Variants in BABAM2 observed in about 807,000 individuals in gnomAD.
BABAM2 encodes the protein BRISC and BRCA1 A complex member 2, also known as BRISC and BRCA1-A complex member 2.
In BABAM2, 31 loss-of-function variants were observed where a neutral mutation model predicts 54.7. That is an observed-to-expected ratio of 0.57 (90% CI 0.43 to 0.77). The LOEUF is 0.77. Ranked by LOEUF, BABAM2 falls within the 30% of genes least tolerant of loss-of-function variation. BABAM2 has a pLI of 0.00. For synonymous variants in BABAM2, 167 were observed against 162.9 expected, an observed-to-expected ratio of 1.03 and a Z score of -0.19; for missense variants, 364 against 455.8, an observed-to-expected ratio of 0.80 and a Z score of 1.83.
chr2:27,893,788 G>T (rs1665052016), intron 1 of BABAM2, among the ~76,000 whole-genome samples: 1 of 152,072 alleles, frequency 6.6e-6, no homozygotes. Context: ...GACGTCAAGA[G>T]ATTGAGACCA....
intron 2 of BABAM2, among the ~76,000 whole-genome samples, chr2:27,920,446 A>T (rs935261553): frequency 3.9e-5 from 6 of 152,230 alleles, no homozygotes; most frequent in African/African-American, 1.4e-4. Context: ...TTTGAAACTG[A>T]GTAATCTATG....
chr2:28,072,897 A>G (rs1008413935), intron 6 of BABAM2, among the ~76,000 whole-genome samples: 2 of 152,238 alleles, frequency 1.3e-5, no homozygotes, highest in Non-Finnish European at 2.9e-5. Context: ...AATAATTATC[A>G]CAAGGTTAAT....
At chr2:28,120,955 A>T (rs1358250562) in intron 6 of BABAM2, among the ~76,000 whole-genome samples, 3 of 152,254 alleles carry the variant, frequency 2.0e-5, no homozygotes, top group African/African-American at 7.2e-5. Context: ...CTGCTAATGT[A>T]TAAAGAGTGG....
At chr2:28,111,916 C>G (rs78425864) in intron 6 of BABAM2, among the ~76,000 whole-genome samples, 3,172 of 152,160 alleles carry the variant, frequency 0.021, 108 homozygotes, top group African/African-American at 0.071. Context: ...TGTCTCTACA[C>G]ATTTTGAGCT....
At chr2:28,009,677 T>C (rs1486314015) in intron 4 of BABAM2, among the ~76,000 whole-genome samples, 2 of 152,074 alleles carry the variant, frequency 1.3e-5, no homozygotes, top group African/African-American at 4.8e-5. Flanking sequence ...TGGTGAGGAA[T>C]GGGTTTAGGG....
intron 11 of BABAM2, among the ~76,000 whole-genome samples, chr2:28,313,822 T>C (rs1689281091): frequency 6.6e-6 from 1 of 152,234 alleles, no homozygotes; most frequent in Admixed American, 6.5e-5. Flanking sequence ...CAAAGCCTAC[T>C]GATTGATTTC....
intron 7 of BABAM2, among the ~76,000 whole-genome samples, chr2:28,170,025 G>A (rs935774355): frequency 3.3e-5 from 5 of 151,988 alleles, no homozygotes; most frequent in South Asian, 2.1e-4. Context: ...ATTTATTTCC[G>A]TTTGTGAATT....
chr2:28,301,127 C>G (rs547151132), intron 11 of BABAM2, among the ~76,000 whole-genome samples: 9 of 152,310 alleles, frequency 5.9e-5, no homozygotes, highest in African/African-American at 2.2e-4. Context: ...TGTGAAAATA[C>G]TGTACGTACA....
intron 6 of BABAM2, among the ~76,000 whole-genome samples, chr2:28,060,424 TTC>T (rs778010115): frequency 6.6e-6 from 1 of 152,138 alleles, no homozygotes; most frequent in Non-Finnish European, 1.5e-5. Context: ...ACCAAATACT[TTC>T]TCTCTAAGAT....
intron 7 of BABAM2, among the ~76,000 whole-genome samples, chr2:28,139,426 G>A (rs774333544): frequency 1.1e-4 from 17 of 151,682 alleles, no homozygotes; most frequent in South Asian, 2.1e-4. Flanking sequence ...AAGATTAGCT[G>A]GGTTTGGTGG....
intron 7 of BABAM2, among the ~76,000 whole-genome samples, chr2:28,146,692 C>A (rs1050843239): frequency 1.3e-5 from 2 of 152,144 alleles, no homozygotes; most frequent in African/African-American, 4.8e-5. Context: ...TCTCTTGGAT[C>A]TTGAGGCTGA....
intron 6 of BABAM2, among the ~76,000 whole-genome samples, chr2:28,088,480 G>A (rs1665875694): frequency 1.3e-5 from 2 of 152,190 alleles, no homozygotes. Context: ...GGAGCTACAG[G>A]TGTGGACGAA....
intron 10 of BABAM2, among the ~76,000 whole-genome samples, chr2:28,286,531 G>A (rs1353859272): frequency 6.6e-6 from 1 of 152,016 alleles, no homozygotes; most frequent in Non-Finnish European, 1.5e-5. Context: ...GCATTCCCTC[G>A]CTGGGCCTCT....
chr2:28,231,785 CTTT>C (rs549515372), intron 7 of BABAM2, among the ~76,000 whole-genome samples: 241 of 57,348 alleles, frequency 4.2e-3, no homozygotes, highest in Middle Eastern at 0.015. Flanking sequence ...AGAGAGATGT[CTTT>C]TTTTTTTTTT....
intron 10 of BABAM2, among the ~76,000 whole-genome samples, chr2:28,282,574 A>G (rs1448200762): frequency 6.6e-6 from 1 of 152,198 alleles, no homozygotes; most frequent in African/African-American, 2.4e-5. Flanking sequence ...CACAGCTTCA[A>G]GTTCTCTGGC....
chr2:28,140,291 A>G (rs1358432281), intron 7 of BABAM2, among the ~76,000 whole-genome samples: 1 of 152,224 alleles, frequency 6.6e-6, no homozygotes, highest in Non-Finnish European at 1.5e-5. Flanking sequence ...GCTTAAGGTT[A>G]TAAAACAGAT....
At chr2:28,331,091 A>C (rs558165154) in intron 11 of BABAM2, among the ~76,000 whole-genome samples, 136 of 152,314 alleles carry the variant, frequency 8.9e-4, no homozygotes, top group African/African-American at 3.0e-3. Flanking sequence ...CTATTCAATA[A>C]ATGGTGCTGG....
At chr2:27,981,182 G>T (rs943553164) in intron 3 of BABAM2, among the ~76,000 whole-genome samples, 1 of 151,986 alleles carries the variant, frequency 6.6e-6, no homozygotes, top group Non-Finnish European at 1.5e-5. Context: ...AGGGCTCATT[G>T]CAGAGTTCTT....
At chr2:28,081,368 C>T (rs1359119195) in intron 6 of BABAM2, among the ~76,000 whole-genome samples, 2 of 152,190 alleles carry the variant, frequency 1.3e-5, no homozygotes, top group East Asian at 1.9e-4. Context: ...CAGGCTAGAG[C>T]CACACTTACC....
Sources: allele counts gnomAD v4.1 joint callset (sites outside exome capture counted in the v4.1 genomes callset), GRCh38; gene constraint gnomAD v4.1.1; transcripts MANE v1.5; gene names NCBI Gene and HGNC (gene_info 2026-07-23, HGNC 2026-07-21).